Variants in DIAPH2 observed in about 807,000 individuals in gnomAD.
The protein encoded by DIAPH2 is protein diaphanous homolog 2.
DIAPH2 carries 35 observed loss-of-function variants against 92.7 expected under a neutral mutation model. The ratio of observed to expected loss-of-function variants is 0.38; its 90% CI spans 0.29 to 0.50. DIAPH2 has a LOEUF of 0.50. DIAPH2 is among the 20% of genes least tolerant of loss of function. The pLI, the probability that DIAPH2 is intolerant of heterozygous loss-of-function variation, is 0.94. For synonymous variants in DIAPH2, 301 were observed against 280.4 expected (o/e 1.07, Z -0.73); for missense variants, 701 against 819.5 (o/e 0.86, Z 1.77).
intron 24 of DIAPH2, among the ~76,000 whole-genome samples, chrX:97,378,867 TC>T (rs1465176707): frequency 1.8e-5 from 2 of 112,150 alleles, no homozygotes; most frequent in Non-Finnish European, 3.8e-5. Context: ...CATTTTCAAA[TC>T]CTTCCAACAC....
chrX:97,270,167 G>C (rs1433042262), intron 23 of DIAPH2, among the ~76,000 whole-genome samples: 1 of 110,869 alleles, frequency 9.0e-6, no homozygotes, highest in Non-Finnish European at 1.9e-5. Context: ...AGTCTCAGGT[G>C]ATCTGCCCGT....
chrX:97,195,141 T>C (rs1037200042), intron 22 of DIAPH2, among the ~76,000 whole-genome samples: 4 of 111,962 alleles, frequency 3.6e-5, no homozygotes, highest in African/African-American at 1.3e-4. Flanking sequence ...ACTTGATCAA[T>C]TCCGTAATTT....
chrX:97,160,368 G>A (rs1349114340), intron 22 of DIAPH2, among the ~76,000 whole-genome samples: 2 of 112,485 alleles, frequency 1.8e-5, no homozygotes, highest in Non-Finnish European at 3.8e-5. Flanking sequence ...TTATCCTGGG[G>A]TGGTAAGTAG....
chrX:96,884,069 G>A (rs946299361), intron 5 of DIAPH2: 4 of 353,259 alleles, frequency 1.1e-5, no homozygotes, highest in African/African-American at 2.6e-5. Context: ...AGGATTATGC[G>A]ATCAGGTGAG....
At chrX:96,968,724 C>T (rs1247698608) in intron 17 of DIAPH2, among the ~76,000 whole-genome samples, 1 of 111,953 alleles carries the variant, frequency 8.9e-6, no homozygotes, top group East Asian at 2.8e-4. Flanking sequence ...TGTGCAGAAG[C>T]TCTTTAGTTT....
Position 96,932,562 on chromosome X carries a change from G to A in DIAPH2, c.1089+1719G>A, listed in dbSNP as rs539814001. ...GTTTCTAAGCTACACTTTTCCATTG[G>A]CCATATAGCCCTATATAAAACTTTT... On this transcript the variant is annotated intron_variant, in intron 10 of 26. Transcript: ENST00000324765. 5.7e-4 allele frequency among the ~76,000 whole-genome samples: 63 copies of A among 110,375 alleles called. 1 individual carries two copies. Among genetic ancestry groups the A allele is most frequent in the African/African-American group, 1.9e-3 (58 of 30,460 alleles).
At chrX:96,898,334 T>G (rs191373401) in intron 5 of DIAPH2, among the ~76,000 whole-genome samples, 1 of 104,164 alleles carries the variant, frequency 9.6e-6, no homozygotes, top group Non-Finnish European at 2.0e-5. Flanking sequence ...CAGTTTACAG[T>G]CCCACCAACA....
intron 16 of DIAPH2, among the ~76,000 whole-genome samples, chrX:96,963,881 T>C (rs2065879431): frequency 9.0e-6 from 1 of 110,830 alleles, no homozygotes. Flanking sequence ...CTTACTTGTT[T>C]TTCTTAGTGA....
chrX:97,268,001 G>C (rs1219294804), intron 23 of DIAPH2, among the ~76,000 whole-genome samples: 1 of 111,992 alleles, frequency 8.9e-6, no homozygotes, highest in African/African-American at 3.2e-5. Flanking sequence ...CTAAATGAAA[G>C]GCACTTGGGT....
At chrX:97,164,486 A>C (rs1217490197) in intron 22 of DIAPH2, among the ~76,000 whole-genome samples, 2 of 112,377 alleles carry the variant, frequency 1.8e-5, no homozygotes, top group Admixed American at 1.9e-4. Flanking sequence ...AAAAGAAAAG[A>C]AAAAAAGAGT....
intron 5 of DIAPH2, among the ~76,000 whole-genome samples, chrX:96,890,997 G>A (rs1602602160): frequency 9.0e-6 from 1 of 110,835 alleles, no homozygotes; most frequent in Non-Finnish European, 1.9e-5. Context: ...CTCCTCTGGG[G>A]AAGGGACCCT....
chrX:97,455,018 C>A (rs929966301), intron 26 of DIAPH2, among the ~76,000 whole-genome samples: 2 of 111,655 alleles, frequency 1.8e-5, no homozygotes, highest in Admixed American at 1.9e-4. Flanking sequence ...GATAATTATG[C>A]GAATTAGCAA....
chrX:97,211,287 T>A (rs1331955371), intron 22 of DIAPH2, among the ~76,000 whole-genome samples: 1 of 111,152 alleles, frequency 9.0e-6, no homozygotes. Context: ...ATGAGTAATG[T>A]TCTATCAGTT....
rs1428973563 is a variant in DIAPH2 at position 96,888,616 on chromosome X, T to C, written c.587+6898T>C. ...ACAGATATATATATCTATATATATC[T>C]ATATATATACACAGATATATATATC... On this transcript the variant is annotated intron_variant, in intron 5 of 26. Coordinates refer to ENST00000324765, the MANE Select transcript of DIAPH2 (RefSeq NM_006729.5). Among the ~76,000 whole-genome samples, 4 of 100,642 alleles carry C rather than the reference T, an allele frequency of 4.0e-5. No individual in the cohort carries two copies. The East Asian group carries it at 1.2e-3, about 30-fold the overall frequency. 87.4% of individuals were successfully genotyped at this position (100,642 alleles called of 115,157 possible). A position where few individuals can be genotyped will look rare whatever the true frequency, so the allele number is the denominator to read the frequency against.
intron 25 of DIAPH2, among the ~76,000 whole-genome samples, chrX:97,411,251 AC>A (rs1334979487): frequency 1.8e-5 from 2 of 112,259 alleles, no homozygotes; most frequent in African/African-American, 6.5e-5. Context: ...CCAATATTCA[AC>A]ATTCTTAAAG....
chrX:97,451,441 G>A (rs753320414), intron 26 of DIAPH2, among the ~76,000 whole-genome samples: 6 of 111,452 alleles, frequency 5.4e-5, no homozygotes, highest in Non-Finnish European at 1.1e-4. Context: ...TTTTGGTGCA[G>A]ATATCTTCTA....
At chrX:97,409,739 G>A (rs1033100316) in intron 25 of DIAPH2, among the ~76,000 whole-genome samples, 2 of 112,376 alleles carry the variant, frequency 1.8e-5, no homozygotes, top group African/African-American at 6.5e-5. Flanking sequence ...TGGCTCAGCG[G>A]GCCCCACGCT....
chrX:96,889,131 C>T (rs1318977512), intron 5 of DIAPH2, among the ~76,000 whole-genome samples: 1 of 111,564 alleles, frequency 9.0e-6, no homozygotes, highest in Non-Finnish European at 1.9e-5. Context: ...AGAGACAAAA[C>T]ATTATTTTTT....
chrX:97,276,189 A>C (rs1300126187), intron 23 of DIAPH2, among the ~76,000 whole-genome samples: 1 of 111,339 alleles, frequency 9.0e-6, no homozygotes, highest in African/African-American at 3.3e-5. Flanking sequence ...AGGCAGGAGA[A>C]TCAGGCAGGG....
Sources: gnomAD v4.1 joint callset for allele counts (sites outside exome capture counted in the v4.1 genomes callset) on GRCh38, gnomAD v4.1.1 for gene constraint, MANE v1.5 for transcripts, NCBI Gene and HGNC (gene_info 2026-07-23, HGNC 2026-07-21) for gene names.